MATR3: variants seen among roughly 807,000 people sequenced by gnomAD.
The protein encoded by MATR3 is matrin 3.
In MATR3, 4 loss-of-function variants were observed where a neutral mutation model predicts 85.5. The ratio of observed to expected loss-of-function variants is 0.05; its 90% confidence interval spans 0.02 to 0.11. The LOEUF (loss-of-function observed/expected upper bound fraction) is 0.11, where lower values mean the gene tolerates loss of function less well. Among genes scored for constraint, MATR3 ranks in the 10% least tolerant of loss-of-function variants. The pLI, the probability that MATR3 is intolerant of heterozygous loss-of-function variation, is 1.00. For synonymous variants in MATR3, 336 were observed against 343.1 expected (o/e 0.98, Z 0.23); for missense variants, 685 against 1,016.1 (o/e 0.67, Z 4.43).
chr5:139,303,217 T>A (rs1754542596), intron 1 of MATR3, among the ~76,000 whole-genome samples: 1 of 152,220 alleles, frequency 6.6e-6, no homozygotes, highest in Admixed American at 6.5e-5. Flanking sequence ...TTCTCCGGCC[T>A]TAGCCTCCCA....
chr5:139,277,149 T>A (rs78286628), intron 2 of MATR3, among the ~76,000 whole-genome samples: 12 of 151,396 alleles, frequency 7.9e-5, no homozygotes, highest in Non-Finnish European at 1.2e-4. Flanking sequence ...TTTTTTTTTT[T>A]AATTTGTAGA....
chr5:139,294,230 A>G, intron 1 of MATR3: 1 of 422,582 alleles, frequency 2.4e-6, no homozygotes, highest in Non-Finnish European at 4.1e-6. Context: ...TGAGGGACAG[A>G]CTGTACACTG....
intron 3 of MATR3, among the ~76,000 whole-genome samples, chr5:139,284,591 G>C (rs1426733156): frequency 6.6e-6 from 1 of 150,986 alleles, no homozygotes; most frequent in Non-Finnish European, 1.5e-5. Context: ...CTGGGTGACA[G>C]ACTGAGACAG....
Position 139,325,451 on chromosome 5 carries a change from C to A in MATR3, c.2160C>A (p.Ile720=). The change falls in exon 13 of 15, where the codon ATC becomes ATA. Residue 720 remains isoleucine, a synonymous_variant. Transcript: ENST00000394805. ...TGGTTGAAATTAAGGTGGACAAGAT[C>A]GAGGAACTTGATCAAGAAAACGAAG... ...AKKKLKKVDK[I]EELDQENEAA... The A allele has an allele frequency of 6.2e-7, 1 of 1,614,026 alleles. No homozygotes were observed. Among genetic ancestry groups the A allele is most frequent in the Non-Finnish European group, 8.5e-7 (1 of 1,179,998 alleles).
rs76290767 is a variant in MATR3 at position 139,307,385 on chromosome 5, A to G, written c.-31A>G. On this transcript the variant is annotated 5_prime_UTR_variant, in exon 2 of 15. Coordinates refer to ENST00000394805, the MANE Select transcript of MATR3 (RefSeq NM_018834.6). This position sits in a 1 kb window ranked among gnomAD's most constrained non-coding sequence, Gnocchi z 4.4. Reference sequence around the variant, plus strand: ...GTCTTTAAAAAAATTTTTTTTTTTAATCTATAAAATAGACAAGAGCTAGTT... The same window carrying G: ...GTCTTTAAAAAAATTTTTTTTTTTAGTCTATAAAATAGACAAGAGCTAGTT... 1 of 1,580,204 alleles carries G rather than the reference A, an allele frequency of 6.3e-7. No homozygotes were observed. The highest frequency in any genetic ancestry group is 1.4e-5 in the African/African-American group (1 of 72,662).
chr5:139,324,973 C>T (rs1339649390), intron 12 of MATR3, among the ~76,000 whole-genome samples: 1 of 151,856 alleles, frequency 6.6e-6, no homozygotes, highest in Non-Finnish European at 1.5e-5. Flanking sequence ...GGGTGGATCA[C>T]GAGGTCAGGA....
intron 1 of MATR3, among the ~76,000 whole-genome samples, chr5:139,306,332 T>C (rs1754704912): frequency 1.3e-5 from 2 of 152,326 alleles, no homozygotes; most frequent in South Asian, 2.1e-4. Flanking sequence ...GTGAAAAGTT[T>C]ACAGGAAACT....
chr5:139,297,127 G>T (rs1754196717), intron 1 of MATR3, among the ~76,000 whole-genome samples: 1 of 152,190 alleles, frequency 6.6e-6, no homozygotes, highest in African/African-American at 2.4e-5. Flanking sequence ...GCAGTTAGCC[G>T]AGGTGGCGCC....
At chr5:139,314,578 G>A (rs769325889) in intron 2 of MATR3, 97 bp from the exon 3 acceptor site, 1 of 933,980 alleles carries the variant, frequency 1.1e-6, no homozygotes, top group Non-Finnish European at 1.7e-6. Flanking sequence ...TACAGCCTAT[G>A]ATACTGCATA....
At chr5:139,327,641 G>T (rs1755926558) in intron 14 of MATR3, among the ~76,000 whole-genome samples, 1 of 152,016 alleles carries the variant, frequency 6.6e-6, no homozygotes, top group Non-Finnish European at 1.5e-5. Flanking sequence ...GACTGGTCTT[G>T]AACTCCCAGC....
intron 1 of MATR3, among the ~76,000 whole-genome samples, chr5:139,300,757 C>T (rs563125471): frequency 3.3e-5 from 5 of 152,206 alleles, no homozygotes; most frequent in African/African-American, 9.6e-5. Flanking sequence ...ATTCTTCTGC[C>T]TCAGCCTCCC....
In MATR3 at chr5:139,330,825, TCTCA is replaced by T; in HGVS notation, c.*1434_*1437del. ...TTTTTTTTTCTTCCCTGACACAGGG[TCTCA>T]CTCTGTCACCCAGACTGGAGTGCAG... On this transcript the variant is annotated 3_prime_UTR_variant, in exon 15 of 15. Coordinates refer to ENST00000394805, the MANE Select transcript of MATR3 (RefSeq NM_018834.6). The T allele has an allele frequency of 2.2e-6, 1 of 454,102 alleles. No homozygotes were observed. Among genetic ancestry groups the T allele is most frequent in the Non-Finnish European group, 4.4e-6 (1 of 226,790 alleles). 28.1% of individuals were successfully genotyped at this position (454,102 alleles called of 1,614,324 possible).
In MATR3 at chr5:139,329,341, A is replaced by G. The variant is rs1246077052; in HGVS notation, c.2494-4A>G. 3.1e-6 allele frequency: 5 copies of G among 1,608,610 alleles called. No individual in the cohort carries two copies. The East Asian group carries it at 6.7e-5, about 22-fold the overall frequency. ...TTAATGGCTGTAATTCTCTTTCTTT[A>G]TAGAAATTTCTGAATAAATTGGCAG... On this transcript the variant is annotated splice_region_variant and splice_polypyrimidine_tract_variant and intron_variant, in intron 14 of 14. Coordinates refer to ENST00000394805, the MANE Select transcript of MATR3 (RefSeq NM_018834.6).
chr5:139,308,710 T>G (rs1267347169), intron 2 of MATR3, among the ~76,000 whole-genome samples: 1 of 152,242 alleles, frequency 6.6e-6, no homozygotes. Context: ...GCTCTCCATC[T>G]GTCTTGATTG....
chr5:139,294,471 A>ACACG (rs1453653477), intron 1 of MATR3: 1 of 154,288 alleles, frequency 6.5e-6, no homozygotes, highest in Non-Finnish European at 1.4e-5. Flanking sequence ...CTCCCGGCCC[A>ACACG]CACGCGCGCG....
upstream of MATR3, among the ~76,000 whole-genome samples, chr5:139,292,552 A>AGT (rs1561923779): frequency 1.3e-5 from 2 of 152,204 alleles, no homozygotes; most frequent in African/African-American, 2.4e-5. Flanking sequence ...GTACCTAACC[A>AGT]GTACCTCAGT....
At chr5:139,324,522 A>G (rs1755746016) in intron 12 of MATR3, among the ~76,000 whole-genome samples, 1 of 151,904 alleles carries the variant, frequency 6.6e-6, no homozygotes, top group South Asian at 2.1e-4. Context: ...AACTCCTGAG[A>G]TCTCAGGGTG....
chr5:139,323,034 C>T, intron 12 of MATR3, 67 bp downstream of exon 12: 2 of 1,463,094 alleles, frequency 1.4e-6, no homozygotes, highest in Admixed American at 1.9e-5. Context: ...AAGTTATTTA[C>T]CTAAGCAGGA....
Position 139,317,581 on chromosome 5 carries a change from TC to T in MATR3, c.1183-11del, listed in dbSNP as rs1409121643. On this transcript the variant is annotated splice_polypyrimidine_tract_variant and intron_variant, in intron 6 of 14. Transcript: ENST00000394805. ...AAGAGACTTAATTGCTTGGTTTTTT[TC>T]CCCTAATGGATAGGAAACTAGCAGA... 1.3e-6 allele frequency: 2 copies of T among 1,596,252 alleles called. No individual in the cohort carries two copies. Among genetic ancestry groups the T allele is most frequent in the African/African-American group, 2.7e-5 (2 of 74,774 alleles).
Sources: allele counts gnomAD v4.1 joint callset (sites outside exome capture counted in the v4.1 genomes callset), GRCh38; gene constraint gnomAD v4.1.1; non-coding constraint Gnocchi (gnomAD v3.1); transcripts MANE v1.5; gene names NCBI Gene and HGNC (gene_info 2026-07-23, HGNC 2026-07-21).